Variants in SLC30A3 observed in about 807,000 individuals in gnomAD.
The protein encoded by SLC30A3 is probable proton-coupled zinc antiporter SLC30A3.
SLC30A3 carries 20 observed loss-of-function variants against 35.6 expected under a neutral mutation model. That is an observed-to-expected ratio of 0.56 (90% CI 0.39 to 0.82). The LOEUF is 0.82. Ranked by LOEUF, SLC30A3 falls within the 40% of genes least tolerant of loss-of-function variation. The pLI, the probability that SLC30A3 is intolerant of heterozygous loss-of-function variation, is 0.00. For synonymous variants in SLC30A3, 217 were observed against 224.7 expected (o/e 0.97, Z 0.31); for missense variants, 401 against 530.6 (o/e 0.76, Z 2.40).
At chr2:27,269,520 T>C (rs1442322408) in intron 1 of SLC30A3, among the ~76,000 whole-genome samples, 3 of 152,000 alleles carry the variant, frequency 2.0e-5, no homozygotes, top group African/African-American at 7.3e-5. Flanking sequence ...CTTTTCTTTT[T>C]TTACAAACCC....
chr2:27,273,233 G>T (rs965057093), intron 1 of SLC30A3, among the ~76,000 whole-genome samples: 4 of 151,842 alleles, frequency 2.6e-5, no homozygotes, highest in Admixed American at 1.3e-4. Context: ...AAGCCCTCCA[G>T]GCAGAGGGAA....
chr2:27,270,181 C>A (rs1479438575), intron 1 of SLC30A3, among the ~76,000 whole-genome samples: 1 of 152,130 alleles, frequency 6.6e-6, no homozygotes, highest in Non-Finnish European at 1.5e-5. Context: ...TATTTTTTCA[C>A]TATAATCTAA....
chr2:27,263,622 T>C (rs1002714576), upstream of SLC30A3, among the ~76,000 whole-genome samples: 1 of 151,312 alleles, frequency 6.6e-6, no homozygotes, highest in African/African-American at 2.4e-5. Flanking sequence ...TACAGAAACA[T>C]TGGGTGACAA....
In SLC30A3 at chr2:27,258,231, G is replaced by A. The variant is rs1361640993; in HGVS notation, c.354C>T (p.Gly118=). 1 of 1,592,490 alleles carries A rather than the reference G, an allele frequency of 6.3e-7. No individual in the cohort carries two copies. The highest frequency in any genetic ancestry group is 1.7e-5 in the Admixed American group (1 of 58,022). ...HLLADVGSMM[G]SLFSLWLSTR... ...TGGAGAGCCAGAGGGAGAAGAGGCTGCCCATCATGCTGCCCACATCCGCCA... is the reference window on the plus strand; with the variant it reads ...TGGAGAGCCAGAGGGAGAAGAGGCTACCCATCATGCTGCCCACATCCGCCA... Residue 118 remains glycine (G), a synonymous_variant, in exon 3 of 8, where the codon GGC becomes GGT. Coordinates refer to ENST00000233535, the MANE Select transcript of SLC30A3 (RefSeq NM_003459.5). The surrounding 1 kb of genome is among the most constrained non-coding windows in gnomAD (Gnocchi z 4.0).
At chr2:27,266,493 T>A (rs990706452), upstream of SLC30A3, among the ~76,000 whole-genome samples, 5 of 152,210 alleles carry the variant, frequency 3.3e-5, no homozygotes, top group African/African-American at 1.2e-4. Context: ...CTTTAAATAC[T>A]ATCCAATAAC....
Position 27,258,305 on chromosome 2 carries a change from C to T in SLC30A3, c.280G>A (p.Gly94Arg). Residue 94 changes from glycine to arginine, a missense_variant and splice_region_variant, in exon 3 of 8, where the codon GGG becomes AGG. Gly to Arg is a moderately radical substitution (Grantham distance 125). Coordinates refer to ENST00000233535, the MANE Select transcript of SLC30A3 (RefSeq NM_003459.5). The surrounding 1 kb of genome is among the most constrained non-coding windows in gnomAD (Gnocchi z 4.0). The part of the protein sequence containing the change: ...FVFMAGEVVG[G>R]YLAHSLAIMT... ...ATGGCCAGGCTGTGTGCCAGATACC[C>T]GCCTGCCAGGGTGAAATGATGGAGT... 5.3e-6 allele frequency: 8 copies of T among 1,515,908 alleles called. No individual in the cohort carries two copies. The highest frequency in any genetic ancestry group is 2.3e-5 in the East Asian group (1 of 43,832). 93.9% of individuals were successfully genotyped at this position (1,515,908 alleles called of 1,614,324 possible).
At position 27,257,671 on chromosome 2, in the gene SLC30A3, T is replaced by G; in HGVS notation, c.578+234A>C. Reference sequence around the variant, plus strand: ...CTGTGAGGTTTAAATGCAATCATGTTGATGAAAGCCCTCATCAGAGTGGCT... The same window carrying G: ...CTGTGAGGTTTAAATGCAATCATGTGGATGAAAGCCCTCATCAGAGTGGCT... On this transcript the variant is annotated intron_variant, in intron 4 of 7. Coordinates refer to ENST00000233535, the MANE Select transcript of SLC30A3 (RefSeq NM_003459.5). The surrounding 1 kb of genome is among the most constrained non-coding windows in gnomAD (Gnocchi z 4.7). 6.6e-6 allele frequency: 4 copies of G among 602,638 alleles called. No individual in the cohort carries two copies. Among genetic ancestry groups the G allele is most frequent in the Non-Finnish European group, 8.8e-6 (3 of 340,768 alleles). The allele number at this position is 602,638 out of a possible 1,614,324, so 37.3% of individuals were successfully genotyped here. A position where few individuals can be genotyped will look rare whatever the true frequency, so the allele number is the denominator to read the frequency against.
chr2:27,257,983 C>G lies in SLC30A3; in HGVS notation c.500G>C (p.Arg167Pro). 6.2e-7 allele frequency: 1 copy of G among 1,614,140 alleles called. No homozygotes were observed. The highest frequency in any genetic ancestry group is 8.5e-7 in the Non-Finnish European group (1 of 1,179,998). Residue 167 changes from arginine (R) to proline (P), a missense_variant, in exon 4 of 8, where the codon CGC becomes CCC. Arg to Pro is a moderately radical substitution (Grantham distance 103, BLOSUM62 -2). Around this residue, in one of 3 missense-constraint regions of SLC30A3, gnomAD observed 296 missense variants for 392.6 expected, o/e 0.75. Transcript: ENST00000233535. This position sits in a 1 kb window ranked among gnomAD's most constrained non-coding sequence, Gnocchi z 4.7. ...TGILLYLAFV[R>P]LLHSDYHIEG... ...GATGTGGTAGTCGCTGTGCAGCAGGCGGACGAAGGCCAGGTACAGGAGGAT... is the reference window on the plus strand; with the variant it reads ...GATGTGGTAGTCGCTGTGCAGCAGGGGGACGAAGGCCAGGTACAGGAGGAT...
chr2:27,256,612 A>G (rs779886823), intron 6 of SLC30A3, 92 bp from the exon 7 acceptor site: 59 of 1,540,300 alleles, frequency 3.8e-5, no homozygotes, highest in Non-Finnish European at 5.3e-5. Context: ...CCTATCCTGT[A>G]TGCACTCTCC....
In SLC30A3 at chr2:27,254,295, T is replaced by C. The variant is rs1676720949; in HGVS notation, c.*1017A>G. ...CTGAGAACGACTGACTCCCAGGGAT[T>C]CCTTGGCTCCTTACCTTCCAGCATT... On this transcript the variant is annotated 3_prime_UTR_variant, in exon 8 of 8. Transcript: ENST00000233535. The C allele has an allele frequency of 6.6e-6, 1 of 152,258 alleles. No homozygotes were observed. Among genetic ancestry groups the C allele is most frequent in the Non-Finnish European group, 1.5e-5 (1 of 68,098 alleles). The allele number at this position is 152,258 out of a possible 1,614,324, so 9.4% of individuals were successfully genotyped here.
Position 27,256,413 on chromosome 2 carries a change from G to A in SLC30A3, c.991C>T (p.His331Tyr), listed in dbSNP as rs752126826. 1.2e-6 allele frequency: 2 copies of A among 1,614,144 alleles called. No homozygotes were observed. Among genetic ancestry groups the A allele is most frequent in the Admixed American group, 3.3e-5 (2 of 60,008 alleles). The change falls in exon 7 of 8, where the codon CAT becomes TAT. Residue 331 changes from histidine (H) to tyrosine (Y), a missense_variant. Physicochemically the swap from His to Tyr is moderately conservative, Grantham distance 83 (BLOSUM62 2). Coordinates refer to ENST00000233535, the MANE Select transcript of SLC30A3 (RefSeq NM_003459.5). ...LHLWALTLTY[H>Y]VASAHLAIDS... ...ATGGCCAGGTGTGCAGAGGCAACAT[G>A]GTAAGTGAGCGTAAGGGCCCACAGG... is the stretch of plus-strand genomic sequence containing the variant.
At position 27,256,874 on chromosome 2, in the gene SLC30A3, T is replaced by A; in HGVS notation, c.797A>T (p.Asp266Val). The A allele has an allele frequency of 6.2e-7, 1 of 1,606,574 alleles. No individual in the cohort carries two copies. ...IYFKPQYKAA[D>V]PISTFLFSIC... ...GGAGAAGAGGAAGGTGCTGATGGGGTCGGCTGCCTTGTATTGAGGCTGCAG... is the reference window on the plus strand; with the variant it reads ...GGAGAAGAGGAAGGTGCTGATGGGGACGGCTGCCTTGTATTGAGGCTGCAG... Residue 266 changes from aspartate to valine, a missense_variant, in exon 6 of 8, where the codon GAC becomes GTC. By Grantham distance (152) the Asp-to-Val change is radical (BLOSUM62 -3). Around this residue, in one of 3 missense-constraint regions of SLC30A3, gnomAD observed 296 missense variants for 392.6 expected, o/e 0.75. Transcript: ENST00000233535.
At position 27,257,547 on chromosome 2, in the gene SLC30A3, C is replaced by A. The variant is rs953992408; in HGVS notation, c.579-195G>T. 6.4e-6 allele frequency: 4 copies of A among 626,618 alleles called. No homozygotes were observed. The highest frequency in any genetic ancestry group is 1.1e-5 in the Non-Finnish European group (4 of 356,010). 38.8% of individuals were successfully genotyped at this position (626,618 alleles called of 1,614,324 possible). The stretch of plus-strand genomic sequence containing the variant: ...CACACATGTGGATTCGGAAGCTGGC[C>A]CTGTTACTTAAATAGATATGTGACT... On this transcript the variant is annotated intron_variant, in intron 4 of 7. Transcript: ENST00000233535. This position sits in a 1 kb window ranked among gnomAD's most constrained non-coding sequence, Gnocchi z 4.7.
upstream of SLC30A3, chr2:27,263,457 T>C: frequency 2.6e-6 from 1 of 391,778 alleles, no homozygotes; most frequent in Admixed American, 2.7e-5. Context: ...GCGGACCCAT[T>C]ACCTATCTCC....
At chr2:27,275,315 C>G (rs1341654608) in exon 1 of SLC30A3, 1 of 878,084 alleles carries the variant, frequency 1.1e-6, no homozygotes, top group Admixed American at 2.4e-5. Flanking sequence ...CGCTCCTACG[C>G]TGCCTTGGGC....
chr2:27,262,723 C>A lies in SLC30A3; in HGVS notation c.95+89G>T. On this transcript the variant is annotated intron_variant, in intron 1 of 7. Coordinates refer to ENST00000233535, the MANE Select transcript of SLC30A3 (RefSeq NM_003459.5). This position sits in a 1 kb window ranked among gnomAD's most constrained non-coding sequence, Gnocchi z 7.5. ...GACCCGCGGTGCGCTGGGGCGGCCGCCGGGGCCCGCGCCGAGAGAGACAAC... is the reference window on the plus strand; with the variant it reads ...GACCCGCGGTGCGCTGGGGCGGCCGACGGGGCCCGCGCCGAGAGAGACAAC... The A allele has an allele frequency of 3.8e-6, 5 of 1,312,348 alleles. No individual in the cohort carries two copies. The highest frequency in any genetic ancestry group is 5.0e-6 in the Non-Finnish European group (5 of 999,158). 81.3% of individuals were successfully genotyped at this position (1,312,348 alleles called of 1,614,324 possible).
At chr2:27,265,563 T>C (rs952939409), upstream of SLC30A3, among the ~76,000 whole-genome samples, 3 of 152,190 alleles carry the variant, frequency 2.0e-5, no homozygotes, top group Non-Finnish European at 2.9e-5. The surrounding 1 kb of genome is among the most constrained non-coding windows in gnomAD (Gnocchi z 5.9). Flanking sequence ...ACCTGACAAG[T>C]GCAAGCCAAG....
chr2:27,259,045 T>A, intron 1 of SLC30A3, 111 bp from the exon 2 acceptor site: 1 of 830,876 alleles, frequency 1.2e-6, no homozygotes, highest in Non-Finnish European at 1.9e-6. Flanking sequence ...TCCCCAGGCC[T>A]GGTCGTATCT....
exon 1 of SLC30A3, chr2:27,275,247 C>T (rs1291518083): frequency 7.7e-7 from 1 of 1,302,658 alleles, no homozygotes. Context: ...ATGGGTGGTG[C>T]CCTCCTGCTG....
Sources: gnomAD v4.1 joint callset for allele counts (sites outside exome capture counted in the v4.1 genomes callset) on GRCh38, gnomAD v4.1.1 for gene constraint, gnomAD v4.1.1 regional missense constraint, Gnocchi (gnomAD v3.1) non-coding constraint, MANE v1.5 for transcripts, NCBI Gene and HGNC (gene_info 2026-07-23, HGNC 2026-07-21) for gene names.